Variants in FHIT observed in about 807,000 individuals in gnomAD.
FHIT encodes the protein fragile histidine triad diadenosine triphosphatase, also known as bis(5'-adenosyl)-triphosphatase.
Under a neutral mutation model 17.9 loss-of-function variants are expected in FHIT, and 19 were observed. The ratio of observed to expected loss-of-function variants is 1.06; its 90% CI spans 0.74 to 1.56. The LOEUF (loss-of-function observed/expected upper bound fraction) is 1.56. FHIT is among the 40% of genes most tolerant of loss of function. FHIT has a pLI of 0.00. For missense variants in FHIT, 248 were observed against 189.2 expected (o/e 1.31, Z -1.82); for synonymous variants, 81 against 69.7 (o/e 1.16, Z -0.81).
At chr3:61,092,918 A>G (rs1464930868) in intron 2 of FHIT, among the ~76,000 whole-genome samples, 1 of 152,226 alleles carries the variant, frequency 6.6e-6, no homozygotes, top group African/African-American at 2.4e-5. Context: ...CTAGCTGAAC[A>G]AATCCCAAAC....
At chr3:60,340,366 G>A (rs113892287) in intron 5 of FHIT, among the ~76,000 whole-genome samples, 5 of 152,106 alleles carry the variant, frequency 3.3e-5, no homozygotes, top group African/African-American at 7.2e-5. Context: ...TCCTACAACC[G>A]AATTAGAAGT....
intron 5 of FHIT, among the ~76,000 whole-genome samples, chr3:60,041,421 G>A (rs920165818): frequency 6.6e-6 from 1 of 152,150 alleles, no homozygotes; most frequent in Admixed American, 6.5e-5. Flanking sequence ...AAATGTCAAA[G>A]TATAGCAATG....
chr3:60,493,893 T>G (rs2107506727), intron 5 of FHIT, among the ~76,000 whole-genome samples: 1 of 152,288 alleles, frequency 6.6e-6, no homozygotes, highest in Middle Eastern at 3.4e-3. Context: ...CACCAGAAGC[T>G]AAATATGAAT....
At chr3:59,940,444 A>G (rs1430519553) in intron 7 of FHIT, among the ~76,000 whole-genome samples, 1 of 152,216 alleles carries the variant, frequency 6.6e-6, no homozygotes, top group African/African-American at 2.4e-5. Flanking sequence ...CCATTCTCCT[A>G]AAAACTAATG....
At chr3:61,044,239 A>G (rs185425154) in intron 2 of FHIT, among the ~76,000 whole-genome samples, 120 of 152,340 alleles carry the variant, frequency 7.9e-4, no homozygotes, top group South Asian at 1.9e-3. Flanking sequence ...CCTTGAAAAA[A>G]GATTACATGA....
chr3:60,416,808 C>T (rs971632396), intron 5 of FHIT, among the ~76,000 whole-genome samples: 1 of 151,984 alleles, frequency 6.6e-6, no homozygotes, highest in South Asian at 2.1e-4. Context: ...GAGAACAGGC[C>T]GGGTGCGGCA....
intron 4 of FHIT, among the ~76,000 whole-genome samples, chr3:60,794,491 C>T (rs1004462930): frequency 2.6e-5 from 4 of 152,140 alleles, no homozygotes; most frequent in African/African-American, 9.6e-5. Context: ...CTGTCTTATA[C>T]TTGACAGCAT....
intron 1 of FHIT, among the ~76,000 whole-genome samples, chr3:61,203,111 C>T (rs2039082662): frequency 7.0e-6 from 1 of 143,124 alleles, no homozygotes; most frequent in Non-Finnish European, 1.5e-5. Context: ...ACCTGGGAGG[C>T]GGGGCTTGCA....
intron 5 of FHIT, among the ~76,000 whole-genome samples, chr3:60,280,559 A>ATCACTG (rs1707381107): frequency 6.6e-6 from 1 of 152,130 alleles, no homozygotes; most frequent in Non-Finnish European, 1.5e-5. Context: ...GAACACAGAG[A>ATCACTG]TCACTGTCAC....
At chr3:60,085,472 A>T (rs1053004944) in intron 5 of FHIT, among the ~76,000 whole-genome samples, 22 of 152,214 alleles carry the variant, frequency 1.4e-4, no homozygotes, top group African/African-American at 3.9e-4. Context: ...CAAGATGTTT[A>T]ATATTGCTTT....
intron 7 of FHIT, among the ~76,000 whole-genome samples, chr3:59,929,883 A>G (rs1367872107): frequency 6.7e-6 from 1 of 148,438 alleles, no homozygotes; most frequent in African/African-American, 2.5e-5. Flanking sequence ...TTTAGTCTCA[A>G]TTGCCCCAGA....
intron 5 of FHIT, among the ~76,000 whole-genome samples, chr3:60,089,979 T>C (rs1576075257): frequency 6.6e-6 from 1 of 152,262 alleles, no homozygotes; most frequent in East Asian, 1.9e-4. Flanking sequence ...ACAACAGCCA[T>C]CACTTATGTA....
At chr3:59,929,368 T>TG (rs1334200739) in intron 7 of FHIT, among the ~76,000 whole-genome samples, 1 of 131,650 alleles carries the variant, frequency 7.6e-6, no homozygotes, top group African/African-American at 2.9e-5. Context: ...TTTTGGTTTT[T>TG]TTTTTTTTTT....
chr3:60,009,161 TTTTATGTG>T (rs1413983612), intron 7 of FHIT, among the ~76,000 whole-genome samples: 48 of 71,034 alleles, frequency 6.8e-4, no homozygotes, highest in South Asian at 2.6e-3. Context: ...TTCTCTGGGA[TTTTATGTG>T]TGTGTGTGTG....
intron 7 of FHIT, among the ~76,000 whole-genome samples, chr3:60,005,720 A>G (rs889807177): frequency 2.6e-5 from 4 of 152,240 alleles, no homozygotes; most frequent in African/African-American, 9.6e-5. Context: ...AGGTATTAAC[A>G]TAGTCAGGGC....
intron 8 of FHIT, among the ~76,000 whole-genome samples, chr3:59,852,412 T>C (rs1013440890): frequency 6.6e-6 from 1 of 152,188 alleles, no homozygotes; most frequent in Non-Finnish European, 1.5e-5. Flanking sequence ...GCAAAACTGA[T>C]AGTAAGGTAC....
chr3:61,010,677 T>C (rs575269936), intron 3 of FHIT, among the ~76,000 whole-genome samples: 37 of 152,332 alleles, frequency 2.4e-4, no homozygotes, highest in African/African-American at 8.7e-4. Flanking sequence ...CCTGTCAGCA[T>C]TGACACTGCC....
chr3:60,093,351 T>G (rs748700996), intron 5 of FHIT, among the ~76,000 whole-genome samples: 1 of 152,148 alleles, frequency 6.6e-6, no homozygotes, highest in Non-Finnish European at 1.5e-5. Flanking sequence ...TCACATCACA[T>G]CACTCTGACC....
intron 5 of FHIT, among the ~76,000 whole-genome samples, chr3:60,322,369 T>C (rs1355427149): frequency 5.3e-5 from 8 of 152,114 alleles, no homozygotes; most frequent in African/African-American, 1.9e-4. Flanking sequence ...TTACCAAGAG[T>C]CACAGGGAAA....
Sources: allele counts gnomAD v4.1 joint callset (sites outside exome capture counted in the v4.1 genomes callset), GRCh38; gene constraint gnomAD v4.1.1; transcripts MANE v1.5; gene names NCBI Gene and HGNC (gene_info 2026-07-23, HGNC 2026-07-21).